Variants in PKHD1 observed in about 807,000 individuals in gnomAD.
PKHD1 encodes PKHD1 ciliary IPT domain containing fibrocystin/polyductin.
Under a neutral mutation model 412.0 loss-of-function variants are expected in PKHD1, and 291 were observed. The ratio of observed to expected loss-of-function variants is 0.71; its 90% CI spans 0.64 to 0.78. The LOEUF is 0.78. Among genes scored for constraint, PKHD1 ranks in the 30% least tolerant of loss-of-function variants. The pLI is 0.00. For missense variants in PKHD1, 4,825 were observed against 4,950.7 expected (o/e 0.97, Z 0.76); for synonymous variants, 1,777 against 1,821.5 (o/e 0.98, Z 0.62).
intron 52 of PKHD1, among the ~76,000 whole-genome samples, chr6:51,827,082 A>C (rs1207771210): frequency 6.6e-6 from 1 of 152,170 alleles, no homozygotes; most frequent in African/African-American, 2.4e-5. Flanking sequence ...CTTTTTTACC[A>C]GTCACTTTCA....
chr6:51,761,698 CATA>C (rs1788044841), intron 55 of PKHD1, among the ~76,000 whole-genome samples: 1 of 151,838 alleles, frequency 6.6e-6, no homozygotes, highest in Non-Finnish European at 1.5e-5. Flanking sequence ...TGTTGTACAG[CATA>C]AATACATAAA....
chr6:51,941,507 G>A lies in PKHD1; in HGVS notation c.5909-7185C>T, dbSNP rs1283175047. 1.7e-4 allele frequency among the ~76,000 whole-genome samples: 25 copies of A among 150,336 alleles called. 1 individual carries two copies. Among genetic ancestry groups the A allele is most frequent in the African/African-American group, 5.3e-4 (22 of 41,124 alleles). On this transcript the variant is annotated intron_variant, in intron 36 of 66. Transcript: ENST00000371117. Reference sequence around the variant, plus strand: ...CCTGACCTCATGATCCACCCGCCTCGGCCTCCCAAAGTGCTGGGATTACAG... The same window carrying A: ...CCTGACCTCATGATCCACCCGCCTCAGCCTCCCAAAGTGCTGGGATTACAG...
At chr6:51,991,304 T>C (rs1797013086) in intron 35 of PKHD1, among the ~76,000 whole-genome samples, 1 of 152,076 alleles carries the variant, frequency 6.6e-6, no homozygotes, top group African/African-American at 2.4e-5. Context: ...GAAAACTTGG[T>C]TTATGTGTAT....
chr6:51,656,416 G>C (rs1771860308), intron 61 of PKHD1, among the ~76,000 whole-genome samples: 1 of 152,040 alleles, frequency 6.6e-6, no homozygotes, highest in Non-Finnish European at 1.5e-5. Flanking sequence ...CTAGATGGCA[G>C]GTTGATAGGT....
intron 35 of PKHD1, among the ~76,000 whole-genome samples, chr6:51,961,005 C>A (rs144022258): frequency 6.6e-6 from 1 of 152,140 alleles, no homozygotes; most frequent in East Asian, 1.9e-4. Flanking sequence ...GAAGGTGATT[C>A]CTTCAAGGTA....
At chr6:51,941,809 C>T (rs1189797022) in intron 36 of PKHD1, among the ~76,000 whole-genome samples, 1 of 151,104 alleles carries the variant, frequency 6.6e-6, no homozygotes, top group Admixed American at 6.6e-5. Context: ...AGCCTCTCTT[C>T]GCTTTCACTT....
At chr6:51,932,902 G>A (rs565937649) in intron 37 of PKHD1, among the ~76,000 whole-genome samples, 35 of 152,208 alleles carry the variant, frequency 2.3e-4, no homozygotes, top group Non-Finnish European at 3.2e-4. Context: ...GCCTGTGGTC[G>A]GTATGAGACA....
rs776275341 is a variant in PKHD1 at position 52,017,423 on chromosome 6, C to T, written c.5587G>A (p.Gly1863Ser). The part of the protein sequence containing the change: ...WAESMFPSFS[G>S]LFISPKLERD... ...AGGTAAAGTTACCTGATAAAGAGGC[C>T]CGAGAATGATGGAAACATTGACTCT... The change falls in exon 34 of 67, where the codon GGC becomes AGC. Residue 1863 changes from glycine to serine, a missense_variant. Gly to Ser is a moderately conservative substitution (Grantham distance 56). Coordinates refer to ENST00000371117, the MANE Select transcript of PKHD1 (RefSeq NM_138694.4). 2 of 1,612,244 alleles carry T rather than the reference C, an allele frequency of 1.2e-6. No homozygotes were observed. Among genetic ancestry groups the T allele is most frequent in the East Asian group, 2.2e-5 (1 of 44,870 alleles).
intron 43 of PKHD1, among the ~76,000 whole-genome samples, chr6:51,898,881 C>A (rs893347179): frequency 2.6e-5 from 4 of 152,108 alleles, no homozygotes; most frequent in Non-Finnish European, 4.4e-5. Context: ...GAGAATACCA[C>A]AAACACCTCT....
At chr6:51,869,713 C>A (rs896566279) in intron 47 of PKHD1, among the ~76,000 whole-genome samples, 3 of 151,814 alleles carry the variant, frequency 2.0e-5, no homozygotes, top group Admixed American at 1.3e-4. Flanking sequence ...ATTTTTATTT[C>A]TATTATTATT....
At chr6:51,684,562 C>G (rs750241983) in intron 60 of PKHD1, among the ~76,000 whole-genome samples, 1 of 152,078 alleles carries the variant, frequency 6.6e-6, no homozygotes, top group Non-Finnish European at 1.5e-5. Context: ...CCAAGGGGAT[C>G]TATAGGACAT....
intron 53 of PKHD1, among the ~76,000 whole-genome samples, chr6:51,776,815 C>A (rs1370758514): frequency 6.6e-6 from 1 of 152,020 alleles, no homozygotes; most frequent in Non-Finnish European, 1.5e-5. Flanking sequence ...GATACTCAGA[C>A]AGCAGTTGGA....
chr6:51,764,854 C>G (rs907860497), intron 55 of PKHD1, among the ~76,000 whole-genome samples: 1 of 152,060 alleles, frequency 6.6e-6, no homozygotes, highest in African/African-American at 2.4e-5. Context: ...TCTCCACCCT[C>G]TGCTTCTCAA....
intron 34 of PKHD1, 70 bp from the exon 35 acceptor site, chr6:52,010,529 T>A (rs189659416): frequency 1.5e-6 from 2 of 1,295,922 alleles, no homozygotes; most frequent in Non-Finnish European, 2.2e-6. Flanking sequence ...TTACTCTTAT[T>A]AATCATTGCA....
chr6:51,641,646 T>C (rs1238357891), intron 63 of PKHD1, among the ~76,000 whole-genome samples: 1 of 152,182 alleles, frequency 6.6e-6, no homozygotes, highest in African/African-American at 2.4e-5. Context: ...TCAACACAAA[T>C]GCCCATCAAT....
At chr6:51,670,012 T>A (rs1378666124) in intron 60 of PKHD1, among the ~76,000 whole-genome samples, 1 of 151,494 alleles carries the variant, frequency 6.6e-6, no homozygotes, top group Non-Finnish European at 1.5e-5. Flanking sequence ...GCTGAAAAAA[T>A]TGTATATTCT....
intron 48 of PKHD1, among the ~76,000 whole-genome samples, chr6:51,867,307 T>C (rs926179646): frequency 1.3e-5 from 2 of 152,182 alleles, no homozygotes; most frequent in African/African-American, 2.4e-5. Flanking sequence ...GCTGACTTAA[T>C]GGTAGTTTGA....
At chr6:51,991,582 A>T (rs925584470) in intron 35 of PKHD1, among the ~76,000 whole-genome samples, 5 of 152,230 alleles carry the variant, frequency 3.3e-5, no homozygotes, top group Non-Finnish European at 7.3e-5. Context: ...TCACATATTT[A>T]AAATTGATTA....
intron 64 of PKHD1, among the ~76,000 whole-genome samples, chr6:51,638,173 T>C (rs1768830174): frequency 6.6e-6 from 1 of 152,306 alleles, no homozygotes; most frequent in Admixed American, 6.5e-5. Context: ...AAATTTTGCT[T>C]TTATTGCCCT....
Sources: gnomAD v4.1 joint callset for allele counts (sites outside exome capture counted in the v4.1 genomes callset) on GRCh38, gnomAD v4.1.1 for gene constraint, MANE v1.5 for transcripts, NCBI Gene and HGNC (gene_info 2026-07-23, HGNC 2026-07-21) for gene names.